The following EVI5 variants were observed in gnomAD, a reference collection of about 807,000 sequenced individuals.
The protein encoded by EVI5 is ecotropic viral integration site 5, also known as ecotropic viral integration site 5 protein homolog.
In EVI5, 73 loss-of-function variants were observed where a neutral mutation model predicts 112.0. That is an observed-to-expected ratio of 0.65 (90% CI 0.54 to 0.79). The LOEUF (loss-of-function observed/expected upper bound fraction) is 0.79, where lower values mean the gene tolerates loss of function less well. Among genes scored for constraint, EVI5 ranks in the 30% least tolerant of loss-of-function variants. The pLI, the probability that EVI5 is intolerant of heterozygous loss-of-function variation, is 0.00. For missense variants in EVI5, 900 were observed against 968.8 expected, an observed-to-expected ratio of 0.93 and a Z score of 0.94; for synonymous variants, 305 against 319.9, an observed-to-expected ratio of 0.95 and a Z score of 0.50.
At chr1:92,749,305 C>T in intron 1 of EVI5, 1 of 218,790 alleles carries the variant, frequency 4.6e-6, no homozygotes. Context: ...ATAGAGCTCT[C>T]CTTACTTAAC....
intron 2 of EVI5, among the ~76,000 whole-genome samples, chr1:92,734,142 T>C (rs1676945809): frequency 6.6e-6 from 1 of 152,236 alleles, no homozygotes; most frequent in African/African-American, 2.4e-5. Flanking sequence ...TTACAGATCA[T>C]ATTCATTCAA....
intron 9 of EVI5, among the ~76,000 whole-genome samples, chr1:92,679,122 G>T (rs1667200872): frequency 6.6e-6 from 1 of 152,180 alleles, no homozygotes; most frequent in Non-Finnish European, 1.5e-5. Context: ...ATTCTCAAAG[G>T]AGTGCAAACC....
intron 18 of EVI5, among the ~76,000 whole-genome samples, chr1:92,568,729 C>A (rs1274191053): frequency 2.0e-5 from 3 of 152,178 alleles, no homozygotes; most frequent in Non-Finnish European, 1.5e-5. Flanking sequence ...TCAGCCTAAT[C>A]AATGTGAAGA....
intron 19 of EVI5, among the ~76,000 whole-genome samples, chr1:92,556,051 T>G (rs1667632426): frequency 6.6e-6 from 1 of 151,602 alleles, no homozygotes; most frequent in Non-Finnish European, 1.5e-5. Context: ...TATTAACCAC[T>G]TTTTTCTTTC....
intron 13 of EVI5, among the ~76,000 whole-genome samples, chr1:92,637,389 A>C (rs1659097605): frequency 6.6e-6 from 1 of 152,068 alleles, no homozygotes; most frequent in Non-Finnish European, 1.5e-5. Context: ...AAGAAAAAAA[A>C]AAAAAAAAGA....
At chr1:92,704,490 T>G (rs1570466639) in intron 3 of EVI5, 65 bp downstream of exon 3, 3 of 1,032,178 alleles carry the variant, frequency 2.9e-6, no homozygotes, top group South Asian at 4.2e-5. Context: ...TTCCCAATCC[T>G]CTATTAAGTT....
chr1:92,516,208 A>T (rs973232693), intron 19 of EVI5, among the ~76,000 whole-genome samples: 2 of 152,180 alleles, frequency 1.3e-5, no homozygotes, highest in Non-Finnish European at 2.9e-5. Flanking sequence ...CTTTTTGAAG[A>T]AATCATATGG....
At chr1:92,623,925 C>T (rs533234515) in intron 16 of EVI5, among the ~76,000 whole-genome samples, 70 of 152,318 alleles carry the variant, frequency 4.6e-4, no homozygotes, top group African/African-American at 1.6e-3. Flanking sequence ...CAGGGCAATG[C>T]TATGAGTTTT....
At chr1:92,589,799 G>T (rs191682237) in intron 18 of EVI5, among the ~76,000 whole-genome samples, 2 of 152,314 alleles carry the variant, frequency 1.3e-5, no homozygotes, top group African/African-American at 4.8e-5. Context: ...TGAGATCTGA[G>T]AACCGACAGA....
chr1:92,518,030 TG>T (rs1318324683), intron 19 of EVI5, among the ~76,000 whole-genome samples: 1 of 151,972 alleles, frequency 6.6e-6, no homozygotes, highest in East Asian at 1.9e-4. Flanking sequence ...CCCAAGTAGC[TG>T]GGACTACAGG....
At chr1:92,600,722 C>T (rs1648978402) in intron 18 of EVI5, among the ~76,000 whole-genome samples, 1 of 152,160 alleles carries the variant, frequency 6.6e-6, no homozygotes, top group South Asian at 2.1e-4. Context: ...TCTAATGATG[C>T]CACTGATCTG....
chr1:92,609,507 A>G (rs1651239637), intron 16 of EVI5, among the ~76,000 whole-genome samples: 1 of 151,906 alleles, frequency 6.6e-6, no homozygotes, highest in South Asian at 2.1e-4. Context: ...ACAGGCACCC[A>G]CCACCATGCC....
chr1:92,740,602 A>AT (rs1236242747), intron 1 of EVI5, among the ~76,000 whole-genome samples: 2 of 152,040 alleles, frequency 1.3e-5, no homozygotes, highest in Non-Finnish European at 2.9e-5. Flanking sequence ...TTTTGGTTTT[A>AT]TTTTTTATTG....
chr1:92,612,553 T>A (rs1652091920), intron 16 of EVI5, among the ~76,000 whole-genome samples: 1 of 151,512 alleles, frequency 6.6e-6, no homozygotes, highest in Non-Finnish European at 1.5e-5. Flanking sequence ...CCACTAAAAA[T>A]ACAAATATTA....
At chr1:92,661,972 T>C (rs941644746) in intron 13 of EVI5, among the ~76,000 whole-genome samples, 1 of 152,152 alleles carries the variant, frequency 6.6e-6, no homozygotes, top group South Asian at 2.1e-4. Context: ...TTGGCTTTTC[T>C]TTTACCCTCA....
At chr1:92,703,780 G>A (rs1382491036) in intron 3 of EVI5, 161 bp from the exon 4 acceptor site, 10 of 576,946 alleles carry the variant, frequency 1.7e-5, no homozygotes, top group Non-Finnish European at 8.9e-6. Context: ...GTAAGTCAAG[G>A]GTAAGATTGG....
chr1:92,744,179 T>C (rs1296787375), intron 1 of EVI5, among the ~76,000 whole-genome samples: 1 of 152,234 alleles, frequency 6.6e-6, no homozygotes, highest in Non-Finnish European at 1.5e-5. Flanking sequence ...TCTAACTTAA[T>C]TCCACCGTGG....
At chr1:92,757,022 T>G (rs1033787329) in intron 1 of EVI5, 3 of 199,378 alleles carry the variant, frequency 1.5e-5, no homozygotes, top group Non-Finnish European at 3.1e-5. Flanking sequence ...GTAAGCTTTT[T>G]GTAAACTTCC....
intron 11 of EVI5, among the ~76,000 whole-genome samples, chr1:92,664,485 T>TAA (rs59296856): frequency 0.2 from 28,176 of 143,906 alleles, 3,150 homozygotes; most frequent in Non-Finnish European, 0.24. Context: ...TCCAAAGATT[T>TAA]AAAAAAAAAA....
Sources: allele counts gnomAD v4.1 joint callset (sites outside exome capture counted in the v4.1 genomes callset), GRCh38; gene constraint gnomAD v4.1.1; transcripts MANE v1.5; gene names NCBI Gene and HGNC (gene_info 2026-07-23, HGNC 2026-07-21).